Variants in SLC36A1 observed in about 807,000 individuals in gnomAD.
The protein encoded by SLC36A1 is proton-coupled amino acid transporter 1.
A neutral mutation model predicts 47.5 loss-of-function variants in SLC36A1; 30 were observed. The observed-to-expected ratio is 0.63, with a 90% confidence interval of 0.47 to 0.86. SLC36A1 has a LOEUF of 0.86. SLC36A1 is among the 40% of genes least tolerant of loss of function. The pLI is 0.00. For missense variants in SLC36A1, 517 were observed against 606.0 expected (o/e 0.85, Z 1.54); for synonymous variants, 255 against 249.7 (o/e 1.02, Z -0.20).
intron 5 of SLC36A1, among the ~76,000 whole-genome samples, chr5:151,465,415 A>G (rs144875815): frequency 1.7e-3 from 265 of 152,342 alleles, no homozygotes; most frequent in African/African-American, 5.9e-3. Flanking sequence ...CTCTAGAGCC[A>G]TTCCAGCTTT....
intron 1 of SLC36A1, among the ~76,000 whole-genome samples, chr5:151,448,370 T>A (rs1307386684): frequency 6.6e-6 from 1 of 152,224 alleles, no homozygotes; most frequent in Non-Finnish European, 1.5e-5. Context: ...GAAAAGGCAC[T>A]CCTTTCTGTC....
the SLC36A1 span, among the ~76,000 whole-genome samples, chr5:151,406,203 G>C: frequency 6.6e-6 from 1 of 152,162 alleles, no homozygotes; most frequent in Non-Finnish European, 1.5e-5. Context: ...TGAAGGTTAG[G>C]TCACCAGGAA....
the SLC36A1 span, among the ~76,000 whole-genome samples, chr5:151,405,532 G>C: frequency 6.6e-6 from 1 of 151,760 alleles, no homozygotes; most frequent in African/African-American, 2.4e-5. Flanking sequence ...ATCTCATTCA[G>C]CTTTCTTGCC....
At chr5:151,408,626 A>T in the SLC36A1 span, among the ~76,000 whole-genome samples, 1 of 152,196 alleles carries the variant, frequency 6.6e-6, no homozygotes, top group Non-Finnish European at 1.5e-5. Flanking sequence ...CCCCTCCCCA[A>T]ATTTATTACA....
intron 10 of SLC36A1, among the ~76,000 whole-genome samples, chr5:151,480,861 T>C (rs1212469856): frequency 2.6e-5 from 4 of 151,848 alleles, no homozygotes; most frequent in Non-Finnish European, 5.9e-5. Flanking sequence ...AAGAGTGTGG[T>C]TAGTTCAAAT....
At chr5:151,399,090 T>A in the SLC36A1 span, among the ~76,000 whole-genome samples, 427 of 74,074 alleles carry the variant, frequency 5.8e-3, 4 homozygotes, top group African/African-American at 0.022. Flanking sequence ...ATATATTTTT[T>A]TTTTTTTTTT....
chr5:151,512,429 T>G, the SLC36A1 span: 1 of 1,614,186 alleles, frequency 6.2e-7, no homozygotes, highest in South Asian at 1.1e-5. This position sits in a 1 kb window ranked among gnomAD's most constrained non-coding sequence, Gnocchi z 4.1. Context: ...CCACGGCAGT[T>G]CTCTGGGACC....
At chr5:151,420,874 C>CTT in the SLC36A1 span, among the ~76,000 whole-genome samples, 3 of 143,862 alleles carry the variant, frequency 2.1e-5, no homozygotes, top group African/African-American at 7.6e-5. Context: ...CTTTCTCTTT[C>CTT]TTTCTTTTTT....
chr5:151,489,236 C>G lies in SLC36A1; in HGVS notation c.*982C>G, dbSNP rs185714352. On this transcript the variant is annotated 3_prime_UTR_variant, in exon 11 of 11. Transcript: ENST00000243389. The surrounding 1 kb of genome is among the most constrained non-coding windows in gnomAD (Gnocchi z 4.5). Reference sequence around the variant, plus strand: ...GGACTGCAGAAATGTATGGGTGCACCGGGCCGAGGGAAGGGTGGCTGAGTG... The same window carrying G: ...GGACTGCAGAAATGTATGGGTGCACGGGGCCGAGGGAAGGGTGGCTGAGTG... 3 of 152,272 alleles carry G rather than the reference C, an allele frequency of 2.0e-5. No homozygotes were observed. The highest frequency in any genetic ancestry group is 2.9e-5 in the Non-Finnish European group (2 of 68,050). The allele number at this position is 152,272 out of a possible 1,614,324, so 9.4% of individuals were successfully genotyped here. A position where few individuals can be genotyped will look rare whatever the true frequency, so the allele number is the denominator to read the frequency against.
At chr5:151,378,119 A>G in the SLC36A1 span, 2 of 345,594 alleles carry the variant, frequency 5.8e-6, no homozygotes, top group Middle Eastern at 5.2e-4. Flanking sequence ...CATTGGTACA[A>G]ACATTGATGT....
the SLC36A1 span, chr5:151,554,286 C>T: frequency 1.4e-6 from 2 of 1,385,400 alleles, no homozygotes; most frequent in Admixed American, 2.1e-5. Flanking sequence ...GGCTGTCTCC[C>T]TCCTCCTGAA....
At chr5:151,542,445 G>A in the SLC36A1 span, 1 of 1,614,172 alleles carries the variant, frequency 6.2e-7, no homozygotes, top group East Asian at 2.2e-5. Flanking sequence ...CTGTAATGGA[G>A]ACCTGAACCA....
chr5:151,463,604 C>G lies in SLC36A1; in HGVS notation c.195C>G (p.Leu65=), dbSNP rs72798317. The change falls in exon 3 of 11, where the codon CTC becomes CTG. Residue 65 remains leucine (L), a synonymous_variant. Transcript: ENST00000243389. ...TAAAAGGCAACATTGGCACAGGACT[C>G]CTGGGACTCCCTCTGGCGGTGAAAA... ...HLLKGNIGTG[L]LGLPLAVKNA... is the part of the protein sequence containing the mutation. The G allele has an allele frequency of 0.036, 58,433 of 1,613,978 alleles. 1,255 individuals are homozygous for G. The highest frequency in any genetic ancestry group is 0.04 in the Non-Finnish European group (47,591 of 1,179,832).
the SLC36A1 span, among the ~76,000 whole-genome samples, chr5:151,548,130 G>C: frequency 6.6e-6 from 1 of 152,046 alleles, no homozygotes. Flanking sequence ...TATGGCAACT[G>C]TTTCTTCCAA....
the SLC36A1 span, chr5:151,546,285 T>C: frequency 3.7e-6 from 6 of 1,614,016 alleles, no homozygotes; most frequent in Non-Finnish European, 8.5e-7. Flanking sequence ...GCTTTTGAGC[T>C]AGAGTAATGA....
the SLC36A1 span, among the ~76,000 whole-genome samples, chr5:151,531,231 G>T: frequency 6.6e-6 from 1 of 152,180 alleles, no homozygotes; most frequent in Non-Finnish European, 1.5e-5. The surrounding 1 kb of genome is among the most constrained non-coding windows in gnomAD (Gnocchi z 5.7). Context: ...CCAGATTCCA[G>T]CAAGGGCTCC....
the SLC36A1 span, chr5:151,347,417 G>A: frequency 6.2e-7 from 1 of 1,614,196 alleles, no homozygotes; most frequent in Non-Finnish European, 8.5e-7. Context: ...CAATTTGATG[G>A]CAACGGCTCC....
At chr5:151,364,553 A>G in the SLC36A1 span, among the ~76,000 whole-genome samples, 62 of 152,328 alleles carry the variant, frequency 4.1e-4, no homozygotes, top group Non-Finnish European at 6.8e-4. Context: ...ATTAAATTAT[A>G]GAATACTTGT....
chr5:151,468,714 C>T (rs981462831), intron 7 of SLC36A1, among the ~76,000 whole-genome samples: 1 of 151,858 alleles, frequency 6.6e-6, no homozygotes, highest in Admixed American at 6.6e-5. Context: ...CCCCCCCACC[C>T]AGGGGGCACT....
Sources: gnomAD v4.1 joint callset for allele counts (sites outside exome capture counted in the v4.1 genomes callset) on GRCh38, gnomAD v4.1.1 for gene constraint, Gnocchi (gnomAD v3.1) non-coding constraint, MANE v1.5 for transcripts, NCBI Gene and HGNC (gene_info 2026-07-23, HGNC 2026-07-21) for gene names.